Variants in CSMD1 observed in about 807,000 individuals in gnomAD.
The protein encoded by CSMD1 is CUB and Sushi multiple domains 1.
In CSMD1, 213 loss-of-function variants were observed where a neutral mutation model predicts 417.5. The ratio of observed to expected loss-of-function variants is 0.51; its 90% confidence interval spans 0.46 to 0.57. CSMD1 has a LOEUF of 0.57. CSMD1 is among the 20% of genes least tolerant of loss of function. The pLI is 0.00. For synonymous variants in CSMD1, 2,862 were observed against 1,736.8 expected (o/e 1.65, Z -16.11); for missense variants, 6,923 against 4,529.7 (o/e 1.53, Z -15.17).
At chr8:3,336,726 C>G (rs62504776) in intron 23 of CSMD1, among the ~76,000 whole-genome samples, 16,547 of 152,196 alleles carry the variant, frequency 0.11, 1,189 homozygotes, top group Non-Finnish European at 0.16. Flanking sequence ...GCACACCTAA[C>G]TTCCTGTTTT....
At chr8:3,649,238 C>G (rs1163299877) in intron 7 of CSMD1, among the ~76,000 whole-genome samples, 1 of 152,104 alleles carries the variant, frequency 6.6e-6, no homozygotes, top group Non-Finnish European at 1.5e-5. Flanking sequence ...TTTATATATT[C>G]TTCTGTAACA....
At chr8:3,635,211 C>T (rs986483165) in intron 7 of CSMD1, among the ~76,000 whole-genome samples, 2 of 152,066 alleles carry the variant, frequency 1.3e-5, no homozygotes, top group African/African-American at 4.8e-5. Context: ...TGCAGTGGCT[C>T]ACGCCTGTAA....
intron 1 of CSMD1, among the ~76,000 whole-genome samples, chr8:4,869,101 T>C (rs994472259): frequency 6.6e-6 from 1 of 152,094 alleles, no homozygotes; most frequent in Non-Finnish European, 1.5e-5. Context: ...TTTCTCATTG[T>C]ATTATTTTTA....
chr8:3,834,060 T>A (rs1255025485), intron 5 of CSMD1, among the ~76,000 whole-genome samples: 2 of 152,184 alleles, frequency 1.3e-5, no homozygotes, highest in East Asian at 1.9e-4. Flanking sequence ...GTTTGGTCAC[T>A]ACTGAAAAAA....
intron 5 of CSMD1, among the ~76,000 whole-genome samples, chr8:3,770,831 A>G (rs1798527670): frequency 6.6e-6 from 1 of 152,282 alleles, no homozygotes; most frequent in Admixed American, 6.5e-5. Flanking sequence ...CTGACCTAAG[A>G]AAAGATAAAG....
chr8:3,967,217 C>T (rs1441609584), intron 5 of CSMD1, among the ~76,000 whole-genome samples: 4 of 152,008 alleles, frequency 2.6e-5, no homozygotes, highest in African/African-American at 7.2e-5. Flanking sequence ...TGCTCTTCCC[C>T]ACTTCAGCTA....
intron 23 of CSMD1, among the ~76,000 whole-genome samples, chr8:3,323,457 T>C (rs1473358723): frequency 6.6e-6 from 1 of 152,106 alleles, no homozygotes; most frequent in Non-Finnish European, 1.5e-5. Context: ...CCCCTCTCTC[T>C]CTCTCTCACA....
intron 5 of CSMD1, among the ~76,000 whole-genome samples, chr8:3,991,887 A>G (rs1316044077): frequency 6.6e-6 from 1 of 152,154 alleles, no homozygotes; most frequent in African/African-American, 2.4e-5. Context: ...TAAAATGGGA[A>G]TAGTAGTATC....
At chr8:3,160,256 G>C (rs1819799273) in intron 38 of CSMD1, among the ~76,000 whole-genome samples, 2 of 152,018 alleles carry the variant, frequency 1.3e-5, no homozygotes, top group African/African-American at 2.4e-5. Flanking sequence ...CCAGGTAACT[G>C]GGACTAAAGG....
chr8:4,148,024 T>C (rs1290845727), intron 3 of CSMD1, among the ~76,000 whole-genome samples: 1 of 152,050 alleles, frequency 6.6e-6, no homozygotes, highest in Non-Finnish European at 1.5e-5. Flanking sequence ...TTGTTTCCCA[T>C]AGTCTGTTCT....
At chr8:3,588,385 G>C (rs1176884778) in intron 8 of CSMD1, among the ~76,000 whole-genome samples, 1 of 152,160 alleles carries the variant, frequency 6.6e-6, no homozygotes, top group Non-Finnish European at 1.5e-5. Context: ...TCCTCGGGTA[G>C]GAAGAGTTGG....
intron 3 of CSMD1, among the ~76,000 whole-genome samples, chr8:4,124,944 G>A (rs1802678822): frequency 1.3e-5 from 2 of 152,202 alleles, no homozygotes; most frequent in African/African-American, 4.8e-5. Context: ...CAACTCTTCC[G>A]GGTCCCCTTC....
At chr8:3,168,699 T>C (rs1585539344) in intron 37 of CSMD1, among the ~76,000 whole-genome samples, 1 of 151,972 alleles carries the variant, frequency 6.6e-6, no homozygotes. Flanking sequence ...TAGTACCTTA[T>C]GAAAAGAAAA....
intron 2 of CSMD1, among the ~76,000 whole-genome samples, chr8:4,461,340 G>A (rs1003199659): frequency 2.0e-5 from 3 of 151,652 alleles, no homozygotes; most frequent in African/African-American, 4.9e-5. Flanking sequence ...CTATTCCACA[G>A]CATACTGGAG....
rs1481717263 is a variant in CSMD1 at position 4,119,566 on chromosome 8, C to A, written c.416-87467G>T. Among the ~76,000 whole-genome samples, 3 of 140,616 alleles carry A rather than the reference C, an allele frequency of 2.1e-5. No homozygotes were observed. The East Asian group carries it at 6.4e-4, about 30-fold the overall frequency. The allele number at this position is 140,616 out of a possible 152,430, so 92.2% of individuals were successfully genotyped here. On this transcript the variant is annotated intron_variant, in intron 3 of 69. Transcript: ENST00000635120. ...TTAGATGAGGCCTTAAGGGTGTAGA[C>A]CAGAGGATAATAGTAGTGTTCTTCT...
chr8:4,604,277 G>C (rs894363044), intron 2 of CSMD1, among the ~76,000 whole-genome samples: 1 of 151,538 alleles, frequency 6.6e-6, no homozygotes, highest in African/African-American at 2.4e-5. Context: ...AGGTACAATA[G>C]ATATAAGACA....
At chr8:3,387,255 C>T (rs139708101) in intron 18 of CSMD1, among the ~76,000 whole-genome samples, 1 of 152,280 alleles carries the variant, frequency 6.6e-6, no homozygotes, top group African/African-American at 2.4e-5. Flanking sequence ...ACTAAGCTCC[C>T]TAAGTTTGTT....
intron 3 of CSMD1, among the ~76,000 whole-genome samples, chr8:4,045,599 T>A (rs994375358): frequency 6.6e-6 from 1 of 152,168 alleles, no homozygotes; most frequent in African/African-American, 2.4e-5. Context: ...AACTCAAGAA[T>A]GTTCCTGCTA....
intron 3 of CSMD1, among the ~76,000 whole-genome samples, chr8:4,082,596 T>C (rs1344455122): frequency 6.8e-6 from 1 of 147,082 alleles, no homozygotes; most frequent in Non-Finnish European, 1.5e-5. Context: ...AAAAAAACCT[T>C]TCTTTTTTCG....
Sources: allele counts gnomAD v4.1 joint callset (sites outside exome capture counted in the v4.1 genomes callset), GRCh38; gene constraint gnomAD v4.1.1; transcripts MANE v1.5; gene names NCBI Gene and HGNC (gene_info 2026-07-23, HGNC 2026-07-21).